The following BMERB1 variants were observed in gnomAD, a reference collection of about 807,000 sequenced individuals.
BMERB1 encodes bMERB domain-containing protein 1.
A neutral mutation model predicts 23.6 loss-of-function variants in BMERB1; 12 were observed. The observed-to-expected ratio is 0.51, with a 90% confidence interval of 0.33 to 0.82. The LOEUF is 0.82. Among genes scored for constraint, BMERB1 ranks in the 40% least tolerant of loss-of-function variants. The probability of loss-of-function intolerance (pLI) is 0.03; values close to 1 mark genes in which losing one functional copy is unlikely to be tolerated. For missense variants in BMERB1, 247 were observed against 255.4 expected (o/e 0.97, Z 0.22); for synonymous variants, 122 against 96.6 (o/e 1.26, Z -1.54).
At chr16:15,510,574 G>A (rs921236779) in intron 1 of BMERB1, among the ~76,000 whole-genome samples, 28 of 152,230 alleles carry the variant, frequency 1.8e-4, no homozygotes, top group African/African-American at 6.7e-4. Flanking sequence ...GCTGCTGAGA[G>A]GTTAACCAAC....
intron 1 of BMERB1, among the ~76,000 whole-genome samples, chr16:15,501,287 C>CTTTT (rs71152437): frequency 1.4e-4 from 9 of 64,894 alleles, no homozygotes; most frequent in Admixed American, 1.8e-4. Flanking sequence ...GCTCTTTTTA[C>CTTTT]TTTTTTTTTT....
intron 1 of BMERB1, among the ~76,000 whole-genome samples, chr16:15,458,717 CAA>C (rs1162694311): frequency 5.6e-3 from 450 of 80,242 alleles, no homozygotes; most frequent in African/African-American, 0.018. Context: ...ACCGTGTGTC[CAA>C]AAAAAAAAAA....
intron 2 of BMERB1, among the ~76,000 whole-genome samples, chr16:15,564,129 C>T (rs370323487): frequency 6.6e-6 from 1 of 152,328 alleles, no homozygotes; most frequent in African/African-American, 2.4e-5. Flanking sequence ...GTCCCATCTT[C>T]CAGCCAGCAG....
rs1014472504 is a variant in BMERB1 at position 15,554,677 on chromosome 16, T to C, written c.231-13306T>C. Among the ~76,000 whole-genome samples, 62 of 151,632 alleles carry C rather than the reference T, an allele frequency of 4.1e-4. 1 individual carries two copies. The highest frequency in any genetic ancestry group is 6.6e-4 in the Non-Finnish European group (45 of 67,878). On this transcript the variant is annotated intron_variant, in intron 2 of 5. Coordinates refer to ENST00000300006, the MANE Select transcript of BMERB1 (RefSeq NM_033201.3). Reference sequence around the variant, plus strand: ...GACCAAGTATTCTTTTTTTTTTCTTTTTTTTTTTAGATGGTGTCTCGCTCT... The same window carrying C: ...GACCAAGTATTCTTTTTTTTTTCTTCTTTTTTTTAGATGGTGTCTCGCTCT...
At chr16:15,571,620 G>A (rs1277058396) in intron 3 of BMERB1, among the ~76,000 whole-genome samples, 1 of 152,102 alleles carries the variant, frequency 6.6e-6, no homozygotes, top group Admixed American at 6.5e-5. Flanking sequence ...CTCCCAAAGT[G>A]CTAGGATTAC....
At chr16:15,456,730 A>G (rs892173072) in intron 1 of BMERB1, among the ~76,000 whole-genome samples, 2 of 152,122 alleles carry the variant, frequency 1.3e-5, no homozygotes, top group African/African-American at 4.8e-5. Context: ...TTAATTCTTT[A>G]TTGATGGACA....
At chr16:15,472,663 T>C (rs1011164459) in intron 1 of BMERB1, among the ~76,000 whole-genome samples, 12 of 145,968 alleles carry the variant, frequency 8.2e-5, no homozygotes, top group African/African-American at 2.9e-4. Flanking sequence ...AGATAACATA[T>C]TGCTGGATAA....
At chr16:15,461,477 C>T (rs1334595153) in intron 1 of BMERB1, among the ~76,000 whole-genome samples, 1 of 152,156 alleles carries the variant, frequency 6.6e-6, no homozygotes, top group Non-Finnish European at 1.5e-5. Context: ...TCTATGTGAT[C>T]TCTACCCAAA....
intron 2 of BMERB1, among the ~76,000 whole-genome samples, chr16:15,520,585 G>A (rs946881852): frequency 6.7e-5 from 10 of 149,212 alleles, no homozygotes; most frequent in African/African-American, 2.0e-4. Flanking sequence ...CCGGGTTCAC[G>A]CCATTCTCCT....
At chr16:15,536,941 A>G (rs2052031006) in intron 2 of BMERB1, 1 of 152,164 alleles carries the variant, frequency 6.6e-6, no homozygotes, top group South Asian at 2.1e-4. Flanking sequence ...AATAAAAAGT[A>G]CAAAATCTGC....
chr16:15,517,834 G>T (rs1282824954), intron 2 of BMERB1, among the ~76,000 whole-genome samples: 2 of 148,056 alleles, frequency 1.4e-5, no homozygotes, highest in Non-Finnish European at 3.0e-5. Context: ...GGATGTGTGT[G>T]TATATGTGTA....
At chr16:15,534,652 A>T (rs1041157996) in intron 2 of BMERB1, among the ~76,000 whole-genome samples, 22 of 152,170 alleles carry the variant, frequency 1.4e-4, no homozygotes, top group African/African-American at 4.6e-4. Context: ...GGTTAACAAG[A>T]TCTTTTTCAC....
intron 2 of BMERB1, among the ~76,000 whole-genome samples, chr16:15,546,486 T>C (rs1292174018): frequency 6.6e-6 from 1 of 152,116 alleles, no homozygotes; most frequent in Non-Finnish European, 1.5e-5. Context: ...AGTGACCCAA[T>C]AACGAGATGC....
At chr16:15,585,929 A>G (rs1405302136) in intron 5 of BMERB1, among the ~76,000 whole-genome samples, 1 of 152,226 alleles carries the variant, frequency 6.6e-6, no homozygotes, top group Non-Finnish European at 1.5e-5. Flanking sequence ...CCAAAAATAT[A>G]GAACTATTTA....
intron 3 of BMERB1, among the ~76,000 whole-genome samples, chr16:15,578,173 C>T (rs1423995874): frequency 6.6e-6 from 1 of 152,080 alleles, no homozygotes; most frequent in Non-Finnish European, 1.5e-5. Flanking sequence ...ACTTCAATCT[C>T]TGCCTCCATC....
chr16:15,518,068 T>C (rs1304515170), intron 2 of BMERB1, among the ~76,000 whole-genome samples: 1 of 152,142 alleles, frequency 6.6e-6, no homozygotes, highest in Non-Finnish European at 1.5e-5. Flanking sequence ...TGTGTGTGTG[T>C]ATGGATGTGC....
intron 2 of BMERB1, among the ~76,000 whole-genome samples, chr16:15,555,708 C>T (rs971811565): frequency 1.3e-5 from 2 of 152,184 alleles, no homozygotes; most frequent in African/African-American, 4.8e-5. Flanking sequence ...TGGCAGGCAC[C>T]TCTCCGGTCC....
At chr16:15,467,770 T>C (rs927171657) in intron 1 of BMERB1, among the ~76,000 whole-genome samples, 2 of 152,176 alleles carry the variant, frequency 1.3e-5, no homozygotes, top group African/African-American at 2.4e-5. Flanking sequence ...TGAGAACATA[T>C]GCTCAAGGTG....
At chr16:15,583,278 A>G in intron 5 of BMERB1, 40 bp downstream of exon 5, 1 of 1,495,040 alleles carries the variant, frequency 6.7e-7, no homozygotes, top group Non-Finnish European at 9.3e-7. Flanking sequence ...CCCACAAAAG[A>G]GAAAAGTATA....
Sources: allele counts gnomAD v4.1 joint callset (sites outside exome capture counted in the v4.1 genomes callset), GRCh38; gene constraint gnomAD v4.1.1; transcripts MANE v1.5; gene names NCBI Gene and HGNC (gene_info 2026-07-23, HGNC 2026-07-21).